ABCA13: variants seen among roughly 807,000 people sequenced by gnomAD.
ABCA13 encodes the protein ATP binding cassette subfamily A member 13, also known as ATP-binding cassette sub-family A member 13.
ABCA13 carries 476 observed loss-of-function variants against 478.7 expected under a neutral mutation model. That is an observed-to-expected ratio of 0.99 (90% CI 0.92 to 1.07). The LOEUF (loss-of-function observed/expected upper bound fraction) is 1.07. ABCA13 is among the 50% of genes least tolerant of loss of function. The pLI is 0.00. For missense variants in ABCA13, 6,060 were observed against 5,910.6 expected (o/e 1.03, Z -0.83); for synonymous variants, 2,252 against 2,158.9 (o/e 1.04, Z -1.20).
intron 1 of ABCA13, among the ~76,000 whole-genome samples, chr7:48,174,417 TA>T (rs1562699074): frequency 6.6e-6 from 1 of 152,274 alleles, no homozygotes; most frequent in East Asian, 1.9e-4. Flanking sequence ...CATTTACTTT[TA>T]AAAAATCTTT....
At chr7:48,529,396 A>G (rs1244719565) in intron 55 of ABCA13, among the ~76,000 whole-genome samples, 1 of 152,140 alleles carries the variant, frequency 6.6e-6, no homozygotes, top group Non-Finnish European at 1.5e-5. Context: ...ACTGTGTTAC[A>G]AGGCCCCAGG....
At chr7:48,171,577 T>G in intron 1 of ABCA13, 25 bp downstream of exon 1, 1 of 1,535,974 alleles carries the variant, frequency 6.5e-7, no homozygotes, top group Non-Finnish European at 8.7e-7. Context: ...TGGTTTTCCA[T>G]AGGGTTCCAG....
At chr7:48,623,055 A>C (rs1413903273) in intron 59 of ABCA13, among the ~76,000 whole-genome samples, 1 of 152,198 alleles carries the variant, frequency 6.6e-6, no homozygotes, top group Non-Finnish European at 1.5e-5. Context: ...CCAAGCTTGC[A>C]GGCCTGGTCA....
At chr7:48,416,940 CTT>C (rs34991265) in intron 41 of ABCA13, among the ~76,000 whole-genome samples, 17,093 of 146,660 alleles carry the variant, frequency 0.12, 1,094 homozygotes, top group East Asian at 0.17. Flanking sequence ...CTGCATATAC[CTT>C]TTTTTTTTTT....
chr7:48,232,139 A>ATGTTTTTTTTTTTTT (rs1789201578), intron 7 of ABCA13, among the ~76,000 whole-genome samples: 1 of 51,318 alleles, frequency 1.9e-5, no homozygotes, highest in African/African-American at 8.0e-5. Context: ...CCCACATGGA[A>ATGTTTTTTTTTTTTT]TTTTTTTTTT....
At chr7:48,545,538 T>C (rs945660124) in intron 55 of ABCA13, among the ~76,000 whole-genome samples, 2 of 151,586 alleles carry the variant, frequency 1.3e-5, no homozygotes, top group Admixed American at 1.3e-4. Context: ...TTTGCAAGGA[T>C]GGTCTCACAG....
intron 42 of ABCA13, among the ~76,000 whole-genome samples, chr7:48,430,605 C>T (rs1215220680): frequency 2.1e-5 from 3 of 142,534 alleles, no homozygotes; most frequent in Non-Finnish European, 3.0e-5. Context: ...ACCCGGGAGG[C>T]GGAGGTTGCA....
intron 33 of ABCA13, 35 bp downstream of exon 33, chr7:48,372,532 A>G: frequency 6.9e-7 from 1 of 1,448,340 alleles, no homozygotes; most frequent in East Asian, 2.3e-5. Context: ...AAAAAAAAAA[A>G]ACAACAAAAT....
At chr7:48,406,861 A>C (rs904796318) in intron 39 of ABCA13, among the ~76,000 whole-genome samples, 3 of 152,014 alleles carry the variant, frequency 2.0e-5, no homozygotes, top group African/African-American at 7.3e-5. Flanking sequence ...TGACAGAGCA[A>C]GGCTCCATCT....
chr7:48,599,675 C>T (rs1011834888), intron 58 of ABCA13, among the ~76,000 whole-genome samples: 5 of 152,184 alleles, frequency 3.3e-5, no homozygotes, highest in Admixed American at 6.5e-5. Flanking sequence ...GTGTGTACTG[C>T]AGTATCCAAC....
At chr7:48,443,337 C>A (rs1423742662) in intron 42 of ABCA13, among the ~76,000 whole-genome samples, 1 of 152,172 alleles carries the variant, frequency 6.6e-6, no homozygotes, top group Non-Finnish European at 1.5e-5. Flanking sequence ...TCAGGCCAGC[C>A]ACTTGACAAT....
chr7:48,340,569 ATT>A (rs1806998652), intron 29 of ABCA13, among the ~76,000 whole-genome samples: 1 of 152,174 alleles, frequency 6.6e-6, no homozygotes, highest in South Asian at 2.1e-4. Context: ...TTTTAGGTGA[ATT>A]TATATGTACT....
Position 48,192,989 on chromosome 7 carries a change from T to G in ABCA13, c.100T>G (p.Cys34Gly). 1 of 1,535,538 alleles carries G rather than the reference T, an allele frequency of 6.5e-7. No individual in the cohort carries two copies. Among genetic ancestry groups the G allele is most frequent in the Non-Finnish European group, 8.7e-7 (1 of 1,146,518 alleles). ...VLFLAEFFWP[C>G]ILFVILTVLR... ...TTTCCTTGCTGAATTCTTCTGGCCTTGTATCCTGTTTGTAATTCTGACAGT... is the reference window on the plus strand; with the variant it reads ...TTTCCTTGCTGAATTCTTCTGGCCTGGTATCCTGTTTGTAATTCTGACAGT... Residue 34 changes from cysteine (C) to glycine (G), a missense_variant, in exon 2 of 62, where the codon TGT becomes GGT. Physicochemically the swap from Cys to Gly is radical, Grantham distance 159 (BLOSUM62 -3). Around this residue, in one of 3 missense-constraint regions of ABCA13, gnomAD observed 4,423 missense variants for 4,309.1 expected, o/e 1.03. Transcript: ENST00000435803.
intron 47 of ABCA13, among the ~76,000 whole-genome samples, chr7:48,485,826 G>C (rs1829243040): frequency 6.6e-6 from 1 of 152,158 alleles, no homozygotes; most frequent in East Asian, 1.9e-4. Flanking sequence ...TCTTTATCCA[G>C]GCCCTGGTTC....
At chr7:48,281,073 A>T (rs1389468252) in intron 18 of ABCA13, among the ~76,000 whole-genome samples, 1 of 152,188 alleles carries the variant, frequency 6.6e-6, no homozygotes, top group Non-Finnish European at 1.5e-5. Context: ...TTTGCATTTC[A>T]AAAGAATAGA....
At chr7:48,522,365 T>G (rs1458890190) in intron 53 of ABCA13, among the ~76,000 whole-genome samples, 2 of 152,094 alleles carry the variant, frequency 1.3e-5, no homozygotes, top group Non-Finnish European at 2.9e-5. Flanking sequence ...CCTTGGGTTG[T>G]TTGCCATGAA....
At chr7:48,588,058 T>A (rs1789365239) in intron 57 of ABCA13, among the ~76,000 whole-genome samples, 1 of 152,186 alleles carries the variant, frequency 6.6e-6, no homozygotes, top group Admixed American at 6.5e-5. Context: ...TTCCTTTTTT[T>A]CTATCTTTCT....
intron 59 of ABCA13, among the ~76,000 whole-genome samples, chr7:48,631,103 C>A (rs1487371472): frequency 6.6e-6 from 1 of 151,684 alleles, no homozygotes; most frequent in Non-Finnish European, 1.5e-5. Flanking sequence ...TGTGGGTTGT[C>A]TTTTTATTTT....
intron 24 of ABCA13, among the ~76,000 whole-genome samples, chr7:48,312,462 G>A (rs1801920036): frequency 6.6e-6 from 1 of 151,784 alleles, no homozygotes; most frequent in Admixed American, 6.6e-5. Context: ...AAAAAATCAT[G>A]TAAAATACAG....
Sources: gnomAD v4.1 joint callset for allele counts (sites outside exome capture counted in the v4.1 genomes callset) on GRCh38, gnomAD v4.1.1 for gene constraint, gnomAD v4.1.1 regional missense constraint, MANE v1.5 for transcripts, NCBI Gene and HGNC (gene_info 2026-07-23, HGNC 2026-07-21) for gene names.